Variants in BTBD9 observed in about 807,000 individuals in gnomAD.
The protein encoded by BTBD9 is BTB/POZ domain-containing protein 9.
A neutral mutation model predicts 64.3 loss-of-function variants in BTBD9; 49 were observed. The ratio of observed to expected loss-of-function variants is 0.76; its 90% confidence interval spans 0.61 to 0.97. BTBD9 has a LOEUF of 0.97. Ranked by LOEUF, BTBD9 falls within the 50% of genes least tolerant of loss-of-function variation. BTBD9 has a pLI of 0.00. For synonymous variants in BTBD9, 260 were observed against 274.7 expected (o/e 0.95, Z 0.53); for missense variants, 598 against 762.1 (o/e 0.78, Z 2.53).
At chr6:38,338,180 A>C (rs992509013) in intron 7 of BTBD9, among the ~76,000 whole-genome samples, 2 of 152,178 alleles carry the variant, frequency 1.3e-5, no homozygotes, top group African/African-American at 4.8e-5. Flanking sequence ...CAAACTCAAT[A>C]TACACTATGT....
At chr6:38,192,764 G>A (rs76651163) in intron 9 of BTBD9, among the ~76,000 whole-genome samples, 167 bp from the exon 10 acceptor site, 13,461 of 152,068 alleles carry the variant, frequency 0.089, 800 homozygotes, top group Non-Finnish European at 0.12. Context: ...GCTGAGAGAG[G>A]CAGGACATAC....
intron 6 of BTBD9, among the ~76,000 whole-genome samples, chr6:38,426,246 T>G (rs1768141888): frequency 1.3e-5 from 2 of 151,818 alleles, no homozygotes; most frequent in African/African-American, 4.9e-5. Flanking sequence ...GGCTTGCAAC[T>G]CAGCTCACAC....
chr6:38,270,075 T>C (rs1403719313), intron 8 of BTBD9, among the ~76,000 whole-genome samples: 2 of 152,246 alleles, frequency 1.3e-5, no homozygotes, highest in Non-Finnish European at 2.9e-5. Flanking sequence ...CTGCTGCAGC[T>C]AGACCTTGCG....
chr6:38,197,046 T>G (rs373908778), intron 9 of BTBD9, among the ~76,000 whole-genome samples: 1 of 152,212 alleles, frequency 6.6e-6, no homozygotes, highest in African/African-American at 2.4e-5. Context: ...AATGAAATCA[T>G]GGGGATGTAG....
chr6:38,176,331 A>T (rs1761246910), intron 10 of BTBD9, among the ~76,000 whole-genome samples: 1 of 152,268 alleles, frequency 6.6e-6, no homozygotes, highest in South Asian at 2.1e-4. Flanking sequence ...TGTTTTTTCC[A>T]TATTCCCACT....
chr6:38,183,126 C>T (rs1237196342), intron 10 of BTBD9, among the ~76,000 whole-genome samples: 3 of 151,972 alleles, frequency 2.0e-5, no homozygotes, highest in East Asian at 3.9e-4. Context: ...ACTACAGGCG[C>T]CCGCCACCAC....
chr6:38,598,420 CA>C (rs1268784719), intron 1 of BTBD9, among the ~76,000 whole-genome samples: 1 of 152,126 alleles, frequency 6.6e-6, no homozygotes, highest in Non-Finnish European at 1.5e-5. Context: ...ATATTCCTTA[CA>C]GTACCTTAGG....
chr6:38,274,943 A>G (rs1353165896), intron 8 of BTBD9, among the ~76,000 whole-genome samples: 1 of 152,130 alleles, frequency 6.6e-6, no homozygotes, highest in African/African-American at 2.4e-5. Flanking sequence ...TATAGATTCA[A>G]TACCATCTCC....
At chr6:38,439,834 C>T (rs1489600292) in intron 6 of BTBD9, among the ~76,000 whole-genome samples, 1 of 152,176 alleles carries the variant, frequency 6.6e-6, no homozygotes, top group East Asian at 1.9e-4. Flanking sequence ...GCTGGGACTA[C>T]AGGCATATGC....
chr6:38,420,557 A>T (rs941660213), intron 6 of BTBD9, among the ~76,000 whole-genome samples: 9 of 152,138 alleles, frequency 5.9e-5, no homozygotes, highest in Non-Finnish European at 1.2e-4. Context: ...AGGTTAAAAA[A>T]AATAATAATA....
intron 6 of BTBD9, among the ~76,000 whole-genome samples, chr6:38,514,719 G>A (rs975497656): frequency 3.9e-5 from 6 of 152,174 alleles, no homozygotes; most frequent in African/African-American, 1.4e-4. Context: ...CTTTCAGTGG[G>A]TAGAATAAAA....
At chr6:38,393,363 T>C (rs1004455641) in intron 6 of BTBD9, among the ~76,000 whole-genome samples, 2 of 152,212 alleles carry the variant, frequency 1.3e-5, no homozygotes, top group African/African-American at 2.4e-5. Context: ...GCTTGCTGCC[T>C]TTCCACAAAG....
At chr6:38,302,890 A>AT (rs1762467945) in intron 7 of BTBD9, among the ~76,000 whole-genome samples, 1 of 152,034 alleles carries the variant, frequency 6.6e-6, no homozygotes, top group African/African-American at 2.4e-5. Flanking sequence ...CATTTCCCTG[A>AT]TTAGTGATGC....
chr6:38,282,729 G>GC (rs1344968076), intron 8 of BTBD9, among the ~76,000 whole-genome samples: 1 of 152,116 alleles, frequency 6.6e-6, no homozygotes, highest in East Asian at 1.9e-4. Context: ...GCTTGGCACT[G>GC]CCGGTGATGC....
chr6:38,469,209 T>C (rs970060301), intron 6 of BTBD9, among the ~76,000 whole-genome samples: 2 of 152,096 alleles, frequency 1.3e-5, no homozygotes, highest in Admixed American at 6.5e-5. Flanking sequence ...AGTGCTTTTA[T>C]ATCCCTCAGC....
intron 1 of BTBD9, among the ~76,000 whole-genome samples, chr6:38,609,863 T>C (rs1439148700): frequency 2.0e-5 from 3 of 152,234 alleles, no homozygotes; most frequent in African/African-American, 7.2e-5. Flanking sequence ...ATATTGGTAT[T>C]TGACCAACTC....
chr6:38,603,750 A>G (rs1034461701), intron 1 of BTBD9, among the ~76,000 whole-genome samples: 3 of 152,210 alleles, frequency 2.0e-5, no homozygotes, highest in African/African-American at 7.2e-5. Context: ...TCCTGACTGA[A>G]AAGCCTTTAC....
At chr6:38,264,160 G>C (rs1027421769) in intron 8 of BTBD9, among the ~76,000 whole-genome samples, 2 of 152,190 alleles carry the variant, frequency 1.3e-5, no homozygotes, top group African/African-American at 4.8e-5. Context: ...TGCAGGGAGA[G>C]AGCCTTGCAA....
intron 6 of BTBD9, among the ~76,000 whole-genome samples, chr6:38,462,569 G>C (rs74968866): frequency 6.6e-6 from 1 of 151,920 alleles, no homozygotes; most frequent in East Asian, 1.9e-4. Context: ...TCAGGTAAAC[G>C]TTAAGTCACT....
Sources: gnomAD v4.1 joint callset for allele counts (sites outside exome capture counted in the v4.1 genomes callset) on GRCh38, gnomAD v4.1.1 for gene constraint, MANE v1.5 for transcripts, NCBI Gene and HGNC (gene_info 2026-07-23, HGNC 2026-07-21) for gene names.